Variants in SLC45A1 observed in about 807,000 individuals in gnomAD.
SLC45A1 encodes proton-associated sugar transporter A.
In SLC45A1, 28 loss-of-function variants were observed where a neutral mutation model predicts 57.6. That is an observed-to-expected ratio of 0.49 (90% confidence interval 0.36 to 0.67). SLC45A1 has a LOEUF of 0.67. Among genes scored for constraint, SLC45A1 ranks in the 30% least tolerant of loss-of-function variants. The pLI is 0.00. For missense variants in SLC45A1, 814 were observed against 1,041.5 expected (o/e 0.78, Z 3.01); for synonymous variants, 459 against 471.5 (o/e 0.97, Z 0.34).
Position 8,339,689 on chromosome 1 carries a change from G to A in SLC45A1, c.1971G>A (p.Gln657=), listed in dbSNP as rs756477766. 6.8e-6 allele frequency: 11 copies of A among 1,613,950 alleles called. No homozygotes were observed. The African/African-American group carries it at 1.2e-4, about 18-fold the overall frequency. The change falls in exon 8 of 9, where the codon CAG becomes CAA. Residue 657 remains glutamine, a synonymous_variant. Transcript: ENST00000471889. ...ACTCGCTGCTCTGCGATTACTATCA[G>A]AGTAAGAAGGTAAGTGCTCTCCCTT... is the stretch of plus-strand genomic sequence containing the variant. ...LPYSLLCDYY[Q]SKKFAGSSAD...
Position 8,324,542 on chromosome 1 carries a change from G to A in SLC45A1, c.213G>A (p.Glu71=). The change falls in exon 2 of 9, where the codon GAG becomes GAA. Residue 71 remains glutamate, a synonymous_variant. Transcript: ENST00000471889. The stretch of plus-strand genomic sequence containing the variant: ...CCCCCAACACCCCGTGCCCGCTTGA[G>A]CTGGTGGACTTCGGGGACCTGCACC... The part of the protein sequence containing the change: ...PPPPNTPCPL[E]LVDFGDLHPQ... 2 of 1,609,566 alleles carry A rather than the reference G, an allele frequency of 1.2e-6. No individual in the cohort carries two copies. The highest frequency in any genetic ancestry group is 3.3e-5 in the Admixed American group (2 of 59,750).
In SLC45A1 at chr1:8,324,663, C is replaced by T; in HGVS notation, c.334C>T (p.Leu112Phe). Residue 112 changes from leucine to phenylalanine, a missense_variant, in exon 2 of 9, where the codon CTC (leucine) becomes TTC (phenylalanine). By Grantham distance (22) the Leu-to-Phe change is conservative (BLOSUM62 0). Coordinates refer to ENST00000471889, the MANE Select transcript of SLC45A1 (RefSeq NM_001080397.3). ...AMETAYVTPV[L>F]LQMGLPDQLY... ...GGAGACGGCGTACGTGACCCCGGTG[C>T]TCCTGCAGATGGGCCTGCCCGACCA... 6.3e-7 allele frequency: 1 copy of T among 1,598,738 alleles called. No individual in the cohort carries two copies. The highest frequency in any genetic ancestry group is 8.5e-7 in the Non-Finnish European group (1 of 1,172,962).
At position 8,335,646 on chromosome 1, in the gene SLC45A1, C is replaced by T; in HGVS notation, c.1597+56C>T. On this transcript the variant is annotated intron_variant, in intron 6 of 8. Coordinates refer to ENST00000471889, the MANE Select transcript of SLC45A1 (RefSeq NM_001080397.3). This position sits in a 1 kb window ranked among gnomAD's most constrained non-coding sequence, Gnocchi z 4.1. Reference sequence around the variant, plus strand: ...CCTGGTCCTGCTCAGGGCTCTCGCCCCACTGGCCTCCCAGGATGCCCCTGA... The same window carrying T: ...CCTGGTCCTGCTCAGGGCTCTCGCCTCACTGGCCTCCCAGGATGCCCCTGA... 2.0e-6 allele frequency: 3 copies of T among 1,507,386 alleles called. No individual in the cohort carries two copies. The highest frequency in any genetic ancestry group is 2.7e-6 in the Non-Finnish European group (3 of 1,130,838). The allele number at this position is 1,507,386 out of a possible 1,614,324, so 93.4% of individuals were successfully genotyped here. A position where few individuals can be genotyped will look rare whatever the true frequency, so the allele number is the denominator to read the frequency against.
Position 8,325,240 on chromosome 1 carries a change from C to G in SLC45A1, c.398-58C>G, listed in dbSNP as rs1279846110. On this transcript the variant is annotated intron_variant, in intron 2 of 8. Coordinates refer to ENST00000471889, the MANE Select transcript of SLC45A1 (RefSeq NM_001080397.3). This position sits in a 1 kb window ranked among gnomAD's most constrained non-coding sequence, Gnocchi z 6.3. ...CACTTCAGGAATGTGGAGGCTGATT[C>G]GATGTCCCCATGTGCCATGGGGACC... 1.8e-6 allele frequency: 2 copies of G among 1,101,628 alleles called. No individual in the cohort carries two copies. The highest frequency in any genetic ancestry group is 2.8e-6 in the Non-Finnish European group (2 of 722,684). The allele number at this position is 1,101,628 out of a possible 1,614,324, so 68.2% of individuals were successfully genotyped here. A position where few individuals can be genotyped will look rare whatever the true frequency, so the allele number is the denominator to read the frequency against.
Position 8,328,442 on chromosome 1 carries a change from G to A in SLC45A1, c.716-1767G>A, listed in dbSNP as rs141061382. 5.2e-4 allele frequency among the ~76,000 whole-genome samples: 79 copies of A among 152,346 alleles called. No individual in the cohort carries two copies. Among genetic ancestry groups the A allele is most frequent in the South Asian group, 4.1e-4 (2 of 4,834 alleles). ...AGGGAACTTCTAAAGGGGCCATGCCGGGCGAGTGCTGGGCTTGGCAGAGAG... is the reference window on the plus strand; with the variant it reads ...AGGGAACTTCTAAAGGGGCCATGCCAGGCGAGTGCTGGGCTTGGCAGAGAG... On this transcript the variant is annotated intron_variant, in intron 4 of 8. Coordinates refer to ENST00000471889, the MANE Select transcript of SLC45A1 (RefSeq NM_001080397.3). The surrounding 1 kb of genome is among the most constrained non-coding windows in gnomAD (Gnocchi z 4.6).
chr1:8,343,689 C>A lies in SLC45A1; in HGVS notation c.1981-58C>A. ...CTGGGCTCGCAGGACACACCGAGCT[C>A]GGTCACCCCGTGCTGGCCGCGGCGT... On this transcript the variant is annotated intron_variant, in intron 8 of 8. Coordinates refer to ENST00000471889, the MANE Select transcript of SLC45A1 (RefSeq NM_001080397.3). The surrounding 1 kb of genome is among the most constrained non-coding windows in gnomAD (Gnocchi z 7.7). The A allele has an allele frequency of 6.4e-7, 1 of 1,558,418 alleles. No individual in the cohort carries two copies. The highest frequency in any genetic ancestry group is 8.7e-7 in the Non-Finnish European group (1 of 1,148,856).
At chr1:8,340,318 A>G (rs1197269423) in intron 8 of SLC45A1, among the ~76,000 whole-genome samples, 1 of 151,992 alleles carries the variant, frequency 6.6e-6, no homozygotes, top group Non-Finnish European at 1.5e-5. Flanking sequence ...ACGCACCACC[A>G]TGCCCAGCTA....
intron 4 of SLC45A1, among the ~76,000 whole-genome samples, chr1:8,329,974 G>A (rs181045104): frequency 8.5e-4 from 129 of 152,266 alleles, no homozygotes; most frequent in African/African-American, 2.3e-3. Flanking sequence ...TGCTGCTGCC[G>A]GGGGTCACAC....
In SLC45A1 at chr1:8,330,148, C is replaced by A; in HGVS notation, c.716-61C>A. 1 of 1,570,376 alleles carries A rather than the reference C, an allele frequency of 6.4e-7. No homozygotes were observed. Among genetic ancestry groups the A allele is most frequent in the Non-Finnish European group, 8.6e-7 (1 of 1,157,146 alleles). Reference sequence around the variant, plus strand: ...CCTTCATGTCCTTCTAAGAACGGGGCCACCGCGTTTGGGGCTTCTCCTCCC... The same window carrying A: ...CCTTCATGTCCTTCTAAGAACGGGGACACCGCGTTTGGGGCTTCTCCTCCC... On this transcript the variant is annotated intron_variant, in intron 4 of 8. Coordinates refer to ENST00000471889, the MANE Select transcript of SLC45A1 (RefSeq NM_001080397.3). The surrounding 1 kb of genome is among the most constrained non-coding windows in gnomAD (Gnocchi z 8.4).
rs569801738 is a variant in SLC45A1, at chr1:8,344,143, T to A, written c.*130T>A. The A allele has an allele frequency of 6.8e-6, 6 of 882,442 alleles. No homozygotes were observed. The highest frequency in any genetic ancestry group is 8.2e-6 in the Non-Finnish European group (5 of 607,112). 54.7% of individuals were successfully genotyped at this position (882,442 alleles called of 1,614,324 possible). On this transcript the variant is annotated 3_prime_UTR_variant, in exon 9 of 9. Transcript: ENST00000471889. ...ACTGGAATGTAAATATGTGATAAAA[T>A]AATAAATGACAGCGGCAAAGCCTAT... is the stretch of plus-strand genomic sequence containing the variant.
intron 8 of SLC45A1, 82 bp downstream of exon 8, chr1:8,339,780 C>G: frequency 7.8e-7 from 1 of 1,281,806 alleles, no homozygotes; most frequent in South Asian, 1.2e-5. Context: ...ACCAGCTGCA[C>G]AATCTGCAGA....
chr1:8,328,615 G>T lies in SLC45A1; in HGVS notation c.716-1594G>T, dbSNP rs1434151552. On this transcript the variant is annotated intron_variant, in intron 4 of 8. Coordinates refer to ENST00000471889, the MANE Select transcript of SLC45A1 (RefSeq NM_001080397.3). The surrounding 1 kb of genome is among the most constrained non-coding windows in gnomAD (Gnocchi z 4.6). The stretch of plus-strand genomic sequence containing the variant: ...GCACTTTGGGAGACCAAGGCAGGCG[G>T]ATCACCTGAGGTCAGGAGTTCAAGA... Among the ~76,000 whole-genome samples, 2 of 152,010 alleles carry T rather than the reference G, an allele frequency of 1.3e-5. No individual in the cohort carries two copies. Among genetic ancestry groups the T allele is most frequent in the African/African-American group, 4.8e-5 (2 of 41,376 alleles).
chr1:8,330,729 C>T lies in SLC45A1; in HGVS notation c.1236C>T (p.Tyr412=). The part of the protein sequence containing the change: ...VSFPRAPDGF[Y]RQDRGLLEGR... Reference sequence around the variant, plus strand: ...TCCCCCGGGCCCCCGACGGCTTCTACCGCCAGGACCGTGGACTTCTGGAGG... The same window carrying T: ...TCCCCCGGGCCCCCGACGGCTTCTATCGCCAGGACCGTGGACTTCTGGAGG... The change falls in exon 5 of 9, where the codon TAC becomes TAT. Residue 412 remains tyrosine (Y), a synonymous_variant. Transcript: ENST00000471889. The surrounding 1 kb of genome is among the most constrained non-coding windows in gnomAD (Gnocchi z 8.4). The T allele has an allele frequency of 6.2e-7, 1 of 1,613,124 alleles. No individual in the cohort carries two copies. The highest frequency in any genetic ancestry group is 8.5e-7 in the Non-Finnish European group (1 of 1,179,938).
intron 1 of SLC45A1, among the ~76,000 whole-genome samples, chr1:8,320,548 G>A (rs570857698): frequency 6.6e-6 from 1 of 152,244 alleles, no homozygotes; most frequent in South Asian, 2.1e-4. Flanking sequence ...GGAGGCTGAG[G>A]TGAGAGGATC....
In SLC45A1 at chr1:8,327,667, A is replaced by T. The variant is rs1190200080; in HGVS notation, c.715+1625A>T. On this transcript the variant is annotated intron_variant, in intron 4 of 8. Coordinates refer to ENST00000471889, the MANE Select transcript of SLC45A1 (RefSeq NM_001080397.3). This position sits in a 1 kb window ranked among gnomAD's most constrained non-coding sequence, Gnocchi z 4.3. Reference sequence around the variant, plus strand: ...AAAACATAAGATTAAATAAATAAATAACTCTAGCTTGTCTATATAAAATAC... The same window carrying T: ...AAAACATAAGATTAAATAAATAAATTACTCTAGCTTGTCTATATAAAATAC... 1.3e-5 allele frequency among the ~76,000 whole-genome samples: 2 copies of T among 152,172 alleles called. No individual in the cohort carries two copies. Among genetic ancestry groups the T allele is most frequent in the Non-Finnish European group, 2.9e-5 (2 of 68,034 alleles).
In SLC45A1 at chr1:8,324,617, C is replaced by T. The variant is rs1432220004; in HGVS notation, c.288C>T (p.Gly96=). 6.2e-7 allele frequency: 1 copy of T among 1,611,224 alleles called. No individual in the cohort carries two copies. Among genetic ancestry groups the T allele is most frequent in the Admixed American group, 1.7e-5 (1 of 59,794 alleles). ...ELLFNGCILF[G]IEFSYAMETA... ...TTTTCAACGGCTGCATTCTCTTTGG[C>T]ATCGAGTTCAGCTACGCCATGGAGA... Residue 96 remains glycine (G), a synonymous_variant, in exon 2 of 9, where the codon GGC becomes GGT. Transcript: ENST00000471889.
rs114682979 is a variant in SLC45A1, at chr1:8,327,035, C to T, written c.715+993C>T. Among the ~76,000 whole-genome samples, 3 of 152,212 alleles carry T rather than the reference C, an allele frequency of 2.0e-5. No individual in the cohort carries two copies. The highest frequency in any genetic ancestry group is 1.3e-4 in the Admixed American group (2 of 15,290). On this transcript the variant is annotated intron_variant, in intron 4 of 8. Coordinates refer to ENST00000471889, the MANE Select transcript of SLC45A1 (RefSeq NM_001080397.3). This position sits in a 1 kb window ranked among gnomAD's most constrained non-coding sequence, Gnocchi z 4.3. ...CTTGTTTCCAGTATGAGCGTGGAGA[C>T]GAGAAGGCAGAGCTCAGCCCTGCGG...
intron 8 of SLC45A1, among the ~76,000 whole-genome samples, chr1:8,340,443 T>A (rs1640774925): frequency 6.6e-6 from 1 of 152,204 alleles, no homozygotes; most frequent in African/African-American, 2.4e-5. Flanking sequence ...ATTACAGGCG[T>A]GAGCCACCGC....
In SLC45A1 at chr1:8,327,206, AGATAATGAGGATT is replaced by A. The variant is rs1640231775; in HGVS notation, c.715+1167_715+1179del. 2.0e-5 allele frequency among the ~76,000 whole-genome samples: 3 copies of A among 151,900 alleles called. No homozygotes were observed. The highest frequency in any genetic ancestry group is 1.3e-4 in the Admixed American group (2 of 15,252). On this transcript the variant is annotated intron_variant, in intron 4 of 8. Coordinates refer to ENST00000471889, the MANE Select transcript of SLC45A1 (RefSeq NM_001080397.3). This position sits in a 1 kb window ranked among gnomAD's most constrained non-coding sequence, Gnocchi z 4.3. ...GTGAATTCACAAATACAGAATCTAC[AGATAATGAGGATT>A]GAGTGTGTGTGCATGGACACACACA... is the stretch of plus-strand genomic sequence containing the variant.
Sources: allele counts gnomAD v4.1 joint callset (sites outside exome capture counted in the v4.1 genomes callset), GRCh38; gene constraint gnomAD v4.1.1; non-coding constraint Gnocchi (gnomAD v3.1); transcripts MANE v1.5; gene names NCBI Gene and HGNC (gene_info 2026-07-23, HGNC 2026-07-21).